GRIN3A: variants seen among roughly 807,000 people sequenced by gnomAD.
GRIN3A encodes glutamate receptor ionotropic, NMDA 3A.
A neutral mutation model predicts 92.4 loss-of-function variants in GRIN3A; 47 were observed. The observed-to-expected ratio is 0.51, with a 90% CI of 0.40 to 0.65. The LOEUF (loss-of-function observed/expected upper bound fraction) is 0.65, where lower values mean the gene tolerates loss of function less well. GRIN3A is among the 30% of genes least tolerant of loss of function. The pLI is 0.00. For missense variants in GRIN3A, 1,324 were observed against 1,393.1 expected, an observed-to-expected ratio of 0.95 and a Z score of 0.79; for synonymous variants, 527 against 540.6, an observed-to-expected ratio of 0.97 and a Z score of 0.35.
At chr9:101,669,994 G>T in intron 3 of GRIN3A, 66 bp downstream of exon 3, 3 of 1,198,828 alleles carry the variant, frequency 2.5e-6, no homozygotes, top group Non-Finnish European at 2.5e-6. Context: ...GCATACTACA[G>T]CAGAAGATAC....
At chr9:101,583,742 G>C (rs943104012) in intron 6 of GRIN3A, among the ~76,000 whole-genome samples, 5 of 152,114 alleles carry the variant, frequency 3.3e-5, no homozygotes, top group Non-Finnish European at 7.4e-5. Context: ...TTTTGAGGTT[G>C]TTGTTTTTTC....
chr9:101,665,133 A>G (rs1449551770), intron 3 of GRIN3A, among the ~76,000 whole-genome samples: 1 of 152,032 alleles, frequency 6.6e-6, no homozygotes, highest in African/African-American at 2.4e-5. Flanking sequence ...ATAATTTAAA[A>G]TATTACATGC....
intron 1 of GRIN3A, among the ~76,000 whole-genome samples, chr9:101,700,951 C>CTTTT (rs1168141960): frequency 2.0e-5 from 3 of 151,992 alleles, no homozygotes; most frequent in Non-Finnish European, 2.9e-5. Context: ...TAGAAAGTAC[C>CTTTT]TTAGTATTTT....
Position 101,719,138 on chromosome 9 carries a change from G to T in GRIN3A, c.699+18143C>A, listed in dbSNP as rs528059587. On this transcript the variant is annotated intron_variant, in intron 1 of 8. Transcript: ENST00000361820. ...TGGGACAAGAGAATAGAAGTGGTGG[G>T]CCGGGCGCAGTGGCTCATGCCTGAA... Among the ~76,000 whole-genome samples, 3 of 152,254 alleles carry T rather than the reference G, an allele frequency of 2.0e-5. No homozygotes were observed. The East Asian group carries it at 5.8e-4, about 30-fold the overall frequency.
intron 6 of GRIN3A, chr9:101,594,615 T>C (rs1828087320): frequency 1.9e-6 from 3 of 1,614,092 alleles, no homozygotes; most frequent in Admixed American, 3.3e-5. Context: ...TAGCCATCTT[T>C]ATCCATGTCG....
At chr9:101,575,260 A>G (rs1827811788) in intron 8 of GRIN3A, among the ~76,000 whole-genome samples, 1 of 152,128 alleles carries the variant, frequency 6.6e-6, no homozygotes, top group Non-Finnish European at 1.5e-5. Flanking sequence ...TCTGTAATGA[A>G]CCCACTTATA....
chr9:101,577,951 GC>G, intron 7 of GRIN3A, 107 bp from the exon 8 acceptor site: 4 of 817,632 alleles, frequency 4.9e-6, no homozygotes, highest in Non-Finnish European at 8.4e-6. Flanking sequence ...ACAAACCTTG[GC>G]CTCTTTAAAC....
chr9:101,699,299 T>C (rs1829725175), intron 1 of GRIN3A, among the ~76,000 whole-genome samples: 1 of 152,196 alleles, frequency 6.6e-6, no homozygotes, highest in Non-Finnish European at 1.5e-5. Flanking sequence ...TGCATGGGGC[T>C]GTCATTGCCC....
At position 101,631,064 on chromosome 9, in the gene GRIN3A, C is replaced by A. The variant is rs1828705067; in HGVS notation, c.2353-2663G>T. On this transcript the variant is annotated intron_variant, in intron 3 of 8. Transcript: ENST00000361820. ...AAGCCCTTACAGTACATATACCTAT[C>A]TTTTGTAGAATCTATCACAGTTGCA... is the stretch of plus-strand genomic sequence containing the variant. Among the ~76,000 whole-genome samples, 3 of 152,156 alleles carry A rather than the reference C, an allele frequency of 2.0e-5. No individual in the cohort carries two copies. The South Asian group carries it at 6.2e-4, about 32-fold the overall frequency.
intron 2 of GRIN3A, 36 bp from the exon 3 acceptor site, chr9:101,671,143 G>A (rs778419076): frequency 7.1e-7 from 1 of 1,407,392 alleles, no homozygotes; most frequent in Non-Finnish European, 1.0e-6. Flanking sequence ...AGTAAGAAAA[G>A]CAGTGAGGCC....
At chr9:101,633,250 A>T (rs60961881) in intron 3 of GRIN3A, among the ~76,000 whole-genome samples, 1 of 152,214 alleles carries the variant, frequency 6.6e-6, no homozygotes, top group African/African-American at 2.4e-5. Flanking sequence ...TACTTAATTC[A>T]TCAGTGAAAT....
chr9:101,669,554 A>G (rs1043469411), intron 3 of GRIN3A, among the ~76,000 whole-genome samples: 26 of 152,122 alleles, frequency 1.7e-4, no homozygotes, highest in African/African-American at 6.0e-4. Context: ...TTCTACACTC[A>G]GTGAGTTCCC....
intron 5 of GRIN3A, among the ~76,000 whole-genome samples, chr9:101,615,639 A>G (rs62577381): frequency 0.15 from 23,279 of 151,898 alleles, 3,635 homozygotes; most frequent in African/African-American, 0.41. Flanking sequence ...ACAGGCATGA[A>G]CCACTGCGCC....
chr9:101,734,786 G>T (rs1830181291), intron 1 of GRIN3A, among the ~76,000 whole-genome samples: 1 of 151,926 alleles, frequency 6.6e-6, no homozygotes, highest in African/African-American at 2.4e-5. Context: ...ATTTAAGTAA[G>T]AGACACAATT....
intron 1 of GRIN3A, among the ~76,000 whole-genome samples, chr9:101,699,112 C>G (rs1026456948): frequency 1.3e-5 from 2 of 152,082 alleles, no homozygotes; most frequent in Non-Finnish European, 2.9e-5. Flanking sequence ...ATGTTTTCTT[C>G]CTTTATATCC....
intron 3 of GRIN3A, among the ~76,000 whole-genome samples, chr9:101,668,950 T>A (rs13298935): frequency 0.33 from 50,887 of 152,032 alleles, 9,442 homozygotes; most frequent in Non-Finnish European, 0.42. Flanking sequence ...TAGTAAATAG[T>A]TCAATACATT....
chr9:101,657,776 AG>A (rs35888479), intron 3 of GRIN3A, among the ~76,000 whole-genome samples: 51,144 of 151,734 alleles, frequency 0.34, 9,494 homozygotes, highest in Non-Finnish European at 0.42. Flanking sequence ...TCTTCTTTTT[AG>A]TTTATTAAGT....
chr9:101,570,032 C>G lies in GRIN3A; in HGVS notation c.*3142G>C, dbSNP rs1257247478. The G allele has an allele frequency of 6.6e-6, 1 of 152,170 alleles. No homozygotes were observed. The highest frequency in any genetic ancestry group is 1.5e-5 in the Non-Finnish European group (1 of 68,050). 9.4% of individuals were successfully genotyped at this position (152,170 alleles called of 1,614,324 possible). A position where few individuals can be genotyped will look rare whatever the true frequency, so the allele number is the denominator to read the frequency against. On this transcript the variant is annotated 3_prime_UTR_variant, in exon 9 of 9. Transcript: ENST00000361820. The stretch of plus-strand genomic sequence containing the variant: ...AATAGCAGAGAGTCATCTCCAGGCA[C>G]ATTAAAGACCTCGACTGCTTGGGTC...
chr9:101,697,152 TTA>T (rs1829695627), intron 1 of GRIN3A, among the ~76,000 whole-genome samples: 2 of 152,192 alleles, frequency 1.3e-5, no homozygotes, highest in African/African-American at 4.8e-5. Flanking sequence ...AGAAATAGTA[TTA>T]GTATAACATT....
Sources: gnomAD v4.1 joint callset for allele counts (sites outside exome capture counted in the v4.1 genomes callset) on GRCh38, gnomAD v4.1.1 for gene constraint, MANE v1.5 for transcripts, NCBI Gene and HGNC (gene_info 2026-07-23, HGNC 2026-07-21) for gene names.